The following FOXN3 variants were observed in gnomAD, a reference collection of about 807,000 sequenced individuals.
FOXN3 encodes the protein forkhead box protein N3.
Under a neutral mutation model 38.4 loss-of-function variants are expected in FOXN3, and 7 were observed. That is an observed-to-expected ratio of 0.18 (90% CI 0.10 to 0.34). The LOEUF is 0.34. FOXN3 is among the 10% of genes least tolerant of loss of function. The pLI is 1.00. For missense variants in FOXN3, 456 were observed against 613.4 expected, an observed-to-expected ratio of 0.74 and a Z score of 2.71; for synonymous variants, 230 against 242.2, an observed-to-expected ratio of 0.95 and a Z score of 0.47.
At chr14:89,324,946 C>T (rs1208897604) in intron 3 of FOXN3, among the ~76,000 whole-genome samples, 2 of 152,188 alleles carry the variant, frequency 1.3e-5, no homozygotes, top group African/African-American at 2.4e-5. Context: ...ACACGTTGCA[C>T]ATCCTTAGGC....
At chr14:89,439,640 T>G (rs1030620938) in intron 1 of FOXN3, among the ~76,000 whole-genome samples, 8 of 149,206 alleles carry the variant, frequency 5.4e-5, no homozygotes, top group Admixed American at 4.7e-4. Flanking sequence ...GCCCATGGAG[T>G]AGCCATTCTT....
At chr14:89,477,695 CAGACCCAG>C (rs1426729191) in intron 1 of FOXN3, among the ~76,000 whole-genome samples, 1 of 152,164 alleles carries the variant, frequency 6.6e-6, no homozygotes, top group Non-Finnish European at 1.5e-5. Context: ...GGCTCTGGGC[CAGACCCAG>C]AGCTTTCAGC....
upstream of FOXN3, among the ~76,000 whole-genome samples, chr14:89,420,881 G>T (rs1409595697): frequency 1.3e-5 from 1 of 75,424 alleles, no homozygotes; most frequent in Admixed American, 1.6e-4. Flanking sequence ...TCAGAGATAC[G>T]AATTAAAAAA....
At position 89,357,823 on chromosome 14, in the gene FOXN3, G is replaced by A. The variant is rs530352767; in HGVS notation, c.544-7015C>T. Among the ~76,000 whole-genome samples, 11 of 152,244 alleles carry A rather than the reference G, an allele frequency of 7.2e-5. 1 individual carries two copies. The highest frequency in any genetic ancestry group is 4.1e-4 in the South Asian group (2 of 4,826). On this transcript the variant is annotated intron_variant, in intron 2 of 5. Transcript: ENST00000557258. ...CATGATGATGCAATTGCCTAACGAC[G>A]TATTTCTCAAAACTTATTCTCGCTA...
intron 1 of FOXN3, among the ~76,000 whole-genome samples, chr14:89,475,354 T>C (rs1039147244): frequency 2.6e-5 from 4 of 152,192 alleles, no homozygotes; most frequent in African/African-American, 9.6e-5. Flanking sequence ...GAAGTAGTAG[T>C]TAGAATAGTA....
chr14:89,285,797 T>G (rs575556493), intron 3 of FOXN3, among the ~76,000 whole-genome samples: 27 of 152,176 alleles, frequency 1.8e-4, no homozygotes, highest in African/African-American at 6.5e-4. Flanking sequence ...GTAAATGCAC[T>G]TAACACTACA....
intron 2 of FOXN3, among the ~76,000 whole-genome samples, chr14:89,394,718 G>T (rs1891058977): frequency 6.6e-6 from 1 of 152,232 alleles, no homozygotes; most frequent in Non-Finnish European, 1.5e-5. Context: ...ACACACCTGG[G>T]ATTCCAGGAA....
intron 2 of FOXN3, among the ~76,000 whole-genome samples, chr14:89,365,821 T>C (rs974296998): frequency 6.6e-5 from 10 of 152,222 alleles, no homozygotes; most frequent in African/African-American, 2.4e-4. Context: ...CAATATATTA[T>C]GTGGCATGAA....
At chr14:89,370,080 A>ACG (rs1890271733) in intron 2 of FOXN3, among the ~76,000 whole-genome samples, 1 of 92,878 alleles carries the variant, frequency 1.1e-5, no homozygotes. Flanking sequence ...GTGTGTGCAC[A>ACG]CACGTTTTCT....
At chr14:89,247,859 T>G (rs1885341749) in intron 4 of FOXN3, among the ~76,000 whole-genome samples, 1 of 152,182 alleles carries the variant, frequency 6.6e-6, no homozygotes, top group African/African-American at 2.4e-5. Context: ...TGCTAATCAT[T>G]CCCAATTCCT....
chr14:89,570,869 G>A (rs368322652), intron 1 of FOXN3, among the ~76,000 whole-genome samples: 15 of 152,198 alleles, frequency 9.9e-5, no homozygotes, highest in African/African-American at 2.4e-4. Context: ...CCATGGTAGC[G>A]ATGCCCCATG....
chr14:89,525,467 C>T (rs1395761013), intron 1 of FOXN3, among the ~76,000 whole-genome samples: 1 of 152,192 alleles, frequency 6.6e-6, no homozygotes, highest in Admixed American at 6.5e-5. Flanking sequence ...GTTCCAGGAA[C>T]TGTCCACCCC....
intron 1 of FOXN3, among the ~76,000 whole-genome samples, chr14:89,601,199 C>T (rs1418697356): frequency 6.6e-5 from 10 of 152,206 alleles, no homozygotes; most frequent in Non-Finnish European, 1.2e-4. Context: ...GGAATTTTGA[C>T]GATGCTATTC....
At chr14:89,208,295 C>G (rs1888438337) in intron 4 of FOXN3, among the ~76,000 whole-genome samples, 2 of 152,230 alleles carry the variant, frequency 1.3e-5, no homozygotes, top group Admixed American at 6.5e-5. Flanking sequence ...TGAGGTCAGG[C>G]ATCCGCGCTT....
intron 3 of FOXN3, among the ~76,000 whole-genome samples, chr14:89,292,346 G>A (rs1886900266): frequency 6.6e-6 from 1 of 152,068 alleles, no homozygotes; most frequent in Non-Finnish European, 1.5e-5. Flanking sequence ...AATCCCAAGA[G>A]CTGGCACCGA....
At chr14:89,400,567 G>A (rs1031942343) in intron 2 of FOXN3, among the ~76,000 whole-genome samples, 16 of 152,280 alleles carry the variant, frequency 1.1e-4, no homozygotes, top group African/African-American at 1.7e-4. Context: ...GCTCAAGCTA[G>A]CATCACTCCC....
intron 1 of FOXN3, among the ~76,000 whole-genome samples, chr14:89,422,411 TCA>T (rs1891933333): frequency 6.6e-6 from 1 of 151,990 alleles, no homozygotes; most frequent in Non-Finnish European, 1.5e-5. Context: ...ATCAGAAGAG[TCA>T]GTGAGACTGG....
At chr14:89,261,883 A>G (rs1045028433) in intron 4 of FOXN3, among the ~76,000 whole-genome samples, 1 of 152,142 alleles carries the variant, frequency 6.6e-6, no homozygotes, top group Non-Finnish European at 1.5e-5. Flanking sequence ...AGCCAAGATC[A>G]TGTCAACTGC....
chr14:89,234,391 C>T (rs892698385), intron 4 of FOXN3, among the ~76,000 whole-genome samples: 4 of 152,124 alleles, frequency 2.6e-5, no homozygotes, highest in Non-Finnish European at 5.9e-5. Context: ...GTGGCTGCAT[C>T]GCTCTACTCT....
Sources: allele counts gnomAD v4.1 joint callset (sites outside exome capture counted in the v4.1 genomes callset), GRCh38; gene constraint gnomAD v4.1.1; transcripts MANE v1.5; gene names NCBI Gene and HGNC (gene_info 2026-07-23, HGNC 2026-07-21).